MTA1: variants seen among roughly 807,000 people sequenced by gnomAD.
MTA1 encodes metastasis-associated protein MTA1.
Under a neutral mutation model 97.0 loss-of-function variants are expected in MTA1, and 15 were observed. That is an observed-to-expected ratio of 0.15 (90% CI 0.10 to 0.24). MTA1 has a LOEUF of 0.24. Ranked by LOEUF, MTA1 falls within the 10% of genes least tolerant of loss-of-function variation. The pLI is 1.00. For missense variants in MTA1, 709 were observed against 1,015.1 expected, an observed-to-expected ratio of 0.70 and a Z score of 4.10; for synonymous variants, 435 against 417.5, an observed-to-expected ratio of 1.04 and a Z score of -0.51.
At chr14:105,465,204 G>A in intron 16 of MTA1, 21 bp downstream of exon 16, 1 of 1,499,240 alleles carries the variant, frequency 6.7e-7, no homozygotes, top group Non-Finnish European at 9.0e-7. Context: ...AGGCGTGCTG[G>A]GGGGCTCCCA....
At chr14:105,443,483 C>T (rs1256100468) in intron 2 of MTA1, among the ~76,000 whole-genome samples, 1 of 152,198 alleles carries the variant, frequency 6.6e-6, no homozygotes, top group East Asian at 1.9e-4. Flanking sequence ...GTGATCCTCT[C>T]ACCTCAGCCT....
intron 19 of MTA1, 56 bp from the exon 20 acceptor site, chr14:105,469,785 G>A: frequency 6.1e-6 from 6 of 983,538 alleles, no homozygotes; most frequent in Non-Finnish European, 8.6e-6. Context: ...GAGCCCTGCA[G>A]GTTGAGGTGG....
At chr14:105,466,091 G>A (rs1382623168) in intron 16 of MTA1, 4 of 301,716 alleles carry the variant, frequency 1.3e-5, no homozygotes, top group Non-Finnish European at 2.5e-5. Flanking sequence ...TGGACGTGGG[G>A]GCTGTTTAAT....
intron 1 of MTA1, among the ~76,000 whole-genome samples, chr14:105,437,141 G>A (rs1328653636): frequency 6.6e-6 from 1 of 152,272 alleles, no homozygotes; most frequent in Admixed American, 6.5e-5. Context: ...CAGCACGGGG[G>A]GCTCAGGAGC....
intron 1 of MTA1, among the ~76,000 whole-genome samples, chr14:105,432,523 G>A (rs1487934770): frequency 6.6e-6 from 1 of 152,238 alleles, no homozygotes; most frequent in Non-Finnish European, 1.5e-5. Context: ...ACAGGCGTGA[G>A]CCACCGTGTC....
intron 8 of MTA1, among the ~76,000 whole-genome samples, chr14:105,459,918 C>G (rs1168530980): frequency 2.5e-5 from 1 of 39,930 alleles, no homozygotes; most frequent in African/African-American, 6.6e-5. Flanking sequence ...GCCCGTGGCC[C>G]CTGGTCCCTG....
chr14:105,424,476 C>T lies in MTA1; in HGVS notation c.28+4413C>T, dbSNP rs916790253. Among the ~76,000 whole-genome samples the T allele has an allele frequency of 4.6e-5, 7 of 151,690 alleles. No homozygotes were observed. In the South Asian group the frequency reaches 1.2e-3, roughly 27 times the overall value. On this transcript the variant is annotated intron_variant, in intron 1 of 20. Coordinates refer to ENST00000331320, the MANE Select transcript of MTA1 (RefSeq NM_004689.4). The surrounding 1 kb of genome is among the most constrained non-coding windows in gnomAD (Gnocchi z 4.0). ...TCAGCCTCTCAAAGTATTGGGATTA[C>T]AGGCGTGAGCCACTGCGTCTGGCTT... is the stretch of plus-strand genomic sequence containing the variant.
At chr14:105,452,904 AGAC>A (rs1328623737) in intron 6 of MTA1, among the ~76,000 whole-genome samples, 1 of 152,252 alleles carries the variant, frequency 6.6e-6, no homozygotes, top group Non-Finnish European at 1.5e-5. Context: ...GGGCTGGAAA[AGAC>A]GACCCACAGG....
At chr14:105,441,129 C>T (rs944053167) in intron 2 of MTA1, among the ~76,000 whole-genome samples, 2 of 152,190 alleles carry the variant, frequency 1.3e-5, no homozygotes, top group Non-Finnish European at 2.9e-5. Flanking sequence ...CAGGTGGTCC[C>T]ACAGAGCCCT....
At chr14:105,447,923 C>T (rs2082773718) in intron 3 of MTA1, among the ~76,000 whole-genome samples, 1 of 152,182 alleles carries the variant, frequency 6.6e-6, no homozygotes, top group Non-Finnish European at 1.5e-5. Flanking sequence ...TGTGAGGACA[C>T]TCTGGGAGGC....
chr14:105,421,586 G>A (rs1410841952), intron 1 of MTA1, among the ~76,000 whole-genome samples: 1 of 152,210 alleles, frequency 6.6e-6, no homozygotes, highest in African/African-American at 2.4e-5. Flanking sequence ...CTTCCTAGTG[G>A]CTGCATTGCT....
intron 1 of MTA1, among the ~76,000 whole-genome samples, chr14:105,426,498 C>T (rs1281304654): frequency 2.6e-5 from 4 of 152,154 alleles, no homozygotes; most frequent in African/African-American, 9.7e-5. Flanking sequence ...AGCAAGGGCG[C>T]AGCGCACGTG....
chr14:105,464,742 C>T lies in MTA1; in HGVS notation c.1413C>T (p.Phe471=), dbSNP rs782127450. ...PKFAMKTRQA[F]YLHTTKLTRI... is the part of the protein sequence containing the mutation. ...TTGCCATGAAGACCAGGCAGGCTTT[C>T]TATCTGCACACGACGAAGCTGACGC... The change falls in exon 15 of 21, where the codon TTC becomes TTT. Residue 471 remains phenylalanine, a synonymous_variant. Coordinates refer to ENST00000331320, the MANE Select transcript of MTA1 (RefSeq NM_004689.4). The T allele has an allele frequency of 1.6e-5, 25 of 1,610,106 alleles. 1 individual carries two copies. The South Asian group carries it at 2.5e-4, about 16-fold the overall frequency.
chr14:105,464,462 G>A lies in MTA1; in HGVS notation c.1239G>A (p.Gln413=). ...ATTCTTGGGGTCCCCCTAACATGCA[G>A]TGTCGTCTCTGCGCATCTTGTTGGA... ...QWYSWGPPNM[Q]CRLCASCWTY... Residue 413 remains glutamine, a synonymous_variant, in exon 14 of 21, where the codon CAG becomes CAA. Transcript: ENST00000331320. 1 of 1,613,638 alleles carries A rather than the reference G, an allele frequency of 6.2e-7. No homozygotes were observed. The highest frequency in any genetic ancestry group is 8.5e-7 in the Non-Finnish European group (1 of 1,179,942).
intron 18 of MTA1, chr14:105,467,171 C>A (rs186756128): frequency 5.5e-6 from 2 of 364,932 alleles, no homozygotes. Flanking sequence ...TGAGCTTGTA[C>A]ACATGGGTGC....
chr14:105,431,478 C>G (rs1270923743), intron 1 of MTA1, among the ~76,000 whole-genome samples: 5 of 152,192 alleles, frequency 3.3e-5, no homozygotes, highest in African/African-American at 1.2e-4. Context: ...CACTACAGAT[C>G]CTACTGACAC....
chr14:105,462,855 C>T (rs587665113), intron 10 of MTA1, among the ~76,000 whole-genome samples: 43 of 152,270 alleles, frequency 2.8e-4, no homozygotes, highest in Admixed American at 1.7e-3. Flanking sequence ...GGTGACAGAG[C>T]GAGACTCCGT....
intron 6 of MTA1, among the ~76,000 whole-genome samples, chr14:105,453,767 C>T (rs782226264): frequency 1.4e-4 from 21 of 152,172 alleles, no homozygotes; most frequent in Non-Finnish European, 2.5e-4. Flanking sequence ...GCCGAGATCA[C>T]GCCATTGCAC....
At position 105,465,175 on chromosome 14, in the gene MTA1, G is replaced by T; in HGVS notation, c.1616G>T (p.Arg539Leu). The T allele has an allele frequency of 6.6e-7, 1 of 1,518,872 alleles. No homozygotes were observed. The highest frequency in any genetic ancestry group is 1.2e-5 in the South Asian group (1 of 83,040). The allele number at this position is 1,518,872 out of a possible 1,614,324, so 94.1% of individuals were successfully genotyped here. A position where few individuals can be genotyped will look rare whatever the true frequency, so the allele number is the denominator to read the frequency against. Residue 539 changes from arginine (R) to leucine (L), a missense_variant, in exon 16 of 21, where the codon CGG becomes CTG. Transcript: ENST00000331320. ...CGCAAGCCGCTGGAAGCCGTGCTTC[G>T]GTATCTTGGTGAGCAGCCAGGCGTG... ...AVRKPLEAVL[R>L]YLETHPRPPK...
Sources: allele counts gnomAD v4.1 joint callset (sites outside exome capture counted in the v4.1 genomes callset), GRCh38; gene constraint gnomAD v4.1.1; non-coding constraint Gnocchi (gnomAD v3.1); transcripts MANE v1.5; gene names NCBI Gene and HGNC (gene_info 2026-07-23, HGNC 2026-07-21).